Variants in ZNF197 observed in about 807,000 individuals in gnomAD.
ZNF197 encodes zinc finger protein 197.
Under a neutral mutation model 27.4 loss-of-function variants are expected in ZNF197, and 14 were observed. That is an observed-to-expected ratio of 0.51 (90% CI 0.34 to 0.80). The LOEUF (loss-of-function observed/expected upper bound fraction) is 0.80. Among genes scored for constraint, ZNF197 ranks in the 30% least tolerant of loss-of-function variants. The probability of loss-of-function intolerance (pLI) is 0.02; values close to 1 mark genes in which losing one functional copy is unlikely to be tolerated. For missense variants in ZNF197, 1,090 were observed against 1,222.6 expected (o/e 0.89, Z 1.62); for synonymous variants, 415 against 420.0 (o/e 0.99, Z 0.15).
intron 5 of ZNF197, among the ~76,000 whole-genome samples, chr3:44,636,107 A>G (rs1408507420): frequency 6.6e-6 from 1 of 152,158 alleles, no homozygotes; most frequent in Admixed American, 6.5e-5. Flanking sequence ...GATCAAGACC[A>G]TCCTGGCTAA....
At chr3:44,637,009 G>A (rs984086333) in intron 5 of ZNF197, among the ~76,000 whole-genome samples, 1 of 152,156 alleles carries the variant, frequency 6.6e-6, no homozygotes, top group African/African-American at 2.4e-5. Context: ...CGTCTTCGGA[G>A]AAAACTGTCT....
chr3:44,636,146 T>G (rs985981432), intron 5 of ZNF197, among the ~76,000 whole-genome samples: 12 of 151,746 alleles, frequency 7.9e-5, no homozygotes, highest in Admixed American at 7.9e-4. Context: ...CTACTAAAAA[T>G]ACAAAAAAAT....
In ZNF197 at chr3:44,647,688, A is replaced by G. The variant is rs1703038297; in HGVS notation, c.*3468A>G. The G allele has an allele frequency of 6.6e-6, 1 of 152,210 alleles. No individual in the cohort carries two copies. The highest frequency in any genetic ancestry group is 1.9e-4 in the East Asian group (1 of 5,200). The allele number at this position is 152,210 out of a possible 1,614,324, so 9.4% of individuals were successfully genotyped here. On this transcript the variant is annotated 3_prime_UTR_variant, in exon 6 of 6. Transcript: ENST00000344387. ...TCAAGGGAATTAATGCTGAGTGAAA[A>G]TAATCACAAAAGGCCATATTCTGTA...
At position 44,642,491 on chromosome 3, in the gene ZNF197, A is replaced by T. The variant is rs148523845; in HGVS notation, c.1361A>T (p.Tyr454Phe). 2.0e-4 allele frequency: 326 copies of T among 1,614,096 alleles called. No individual in the cohort carries two copies. In the African/African-American group the frequency reaches 3.8e-3, roughly 19 times the overall value. ...AGGATCCACACTGGGGAGAAACCTT[A>T]TAAGTGTAAGGAGTGTGGAAAGGGC... Reference protein sequence around the residue: ...HQRIHTGEKPYKCKECGKGFY... With the variant: ...HQRIHTGEKPFKCKECGKGFY... Residue 454 changes from tyrosine (Y) to phenylalanine (F), a missense_variant, in exon 6 of 6, where the codon TAT becomes TTT. Transcript: ENST00000344387.
In ZNF197 at chr3:44,643,670, C is replaced by G. The variant is rs201970271; in HGVS notation, c.2540C>G (p.Ala847Gly). Residue 847 changes from alanine (A) to glycine (G), a missense_variant, in exon 6 of 6, where the codon GCG becomes GGG. Transcript: ENST00000344387. ...ATCCATACTGGTGAGAAGCCCTATG[C>G]GTGTAGTGAGTGTGGAAAAGGTTTT... ...QRIHTGEKPY[A>G]CSECGKGFTY... The G allele has an allele frequency of 3.8e-5, 62 of 1,613,866 alleles. No homozygotes were observed. In the South Asian group the frequency reaches 6.0e-4, roughly 16 times the overall value.
At position 44,646,558 on chromosome 3, in the gene ZNF197, G is replaced by T; in HGVS notation, c.*2338G>T. 1.8e-6 allele frequency: 2 copies of T among 1,136,176 alleles called. No homozygotes were observed. The highest frequency in any genetic ancestry group is 2.7e-6 in the Non-Finnish European group (2 of 744,108). The allele number at this position is 1,136,176 out of a possible 1,614,324, so 70.4% of individuals were successfully genotyped here. A position where few individuals can be genotyped will look rare whatever the true frequency, so the allele number is the denominator to read the frequency against. On this transcript the variant is annotated 3_prime_UTR_variant, in exon 6 of 6. Transcript: ENST00000344387. ...CACGAGAAACAGACACATCCAGAAC[G>T]TGGAATATTGCATAAGAAAGCTGCC... is the stretch of plus-strand genomic sequence containing the variant.
Position 44,646,470 on chromosome 3 carries a change from C to G in ZNF197, c.*2250C>G. The stretch of plus-strand genomic sequence containing the variant: ...AATGTTCAACCTGAATTTAATCAAG[C>G]TTCTTGGACCTCATTGCCAGGTTAC... On this transcript the variant is annotated 3_prime_UTR_variant, in exon 6 of 6. Transcript: ENST00000344387. 1.9e-6 allele frequency: 3 copies of G among 1,610,966 alleles called. No homozygotes were observed. In the South Asian group the frequency reaches 3.3e-5, roughly 18 times the overall value.
rs1290040477 is a variant in ZNF197, at chr3:44,645,848, C to G, written c.*1628C>G. On this transcript the variant is annotated 3_prime_UTR_variant, in exon 6 of 6. Transcript: ENST00000344387. Reference sequence around the variant, plus strand: ...GTGGGCAGTCAGTGCCCATTACCCCCTGTGAACCATTCTGTGCCCTTGAGT... The same window carrying G: ...GTGGGCAGTCAGTGCCCATTACCCCGTGTGAACCATTCTGTGCCCTTGAGT... 132 of 985,338 alleles carry G rather than the reference C, an allele frequency of 1.3e-4. No homozygotes were observed. Among genetic ancestry groups the G allele is most frequent in the Non-Finnish European group, 1.5e-4 (126 of 829,940 alleles). The allele number at this position is 985,338 out of a possible 1,614,324, so 61.0% of individuals were successfully genotyped here.
Position 44,646,383 on chromosome 3 carries a change from A to C in ZNF197, c.*2163A>C. ...CCTCTTCACCGAGTAACAAAATGTCACATTGCTTAGATTGAGACAGCCCAC... is the reference window on the plus strand; with the variant it reads ...CCTCTTCACCGAGTAACAAAATGTCCCATTGCTTAGATTGAGACAGCCCAC... On this transcript the variant is annotated 3_prime_UTR_variant, in exon 6 of 6. Coordinates refer to ENST00000344387, the MANE Select transcript of ZNF197 (RefSeq NM_006991.5). 1 of 1,576,216 alleles carries C rather than the reference A, an allele frequency of 6.3e-7. No individual in the cohort carries two copies. Among genetic ancestry groups the C allele is most frequent in the Non-Finnish European group, 8.6e-7 (1 of 1,161,566 alleles).
At position 44,643,246 on chromosome 3, in the gene ZNF197, T is replaced by C. The variant is rs139320992; in HGVS notation, c.2116T>C (p.Tyr706His). 3.1e-6 allele frequency: 5 copies of C among 1,613,958 alleles called. No homozygotes were observed. The African/African-American group carries it at 4.0e-5, about 13-fold the overall frequency. ...HERLHNGEKP[Y>H]ECRECGKTFI... is the part of the protein sequence containing the mutation. ...GAGACTCCACAATGGGGAGAAGCCA[T>C]ATGAATGTCGAGAGTGTGGGAAAAC... is the stretch of plus-strand genomic sequence containing the variant. The change falls in exon 6 of 6, where the codon TAT becomes CAT. Residue 706 changes from tyrosine (Y) to histidine (H), a missense_variant. Tyr to His is a moderately conservative substitution (Grantham distance 83, BLOSUM62 2). Transcript: ENST00000344387.
chr3:44,628,989 G>C (rs1456196616), intron 1 of ZNF197, 85 bp from the exon 2 acceptor site: 1 of 975,930 alleles, frequency 1.0e-6, no homozygotes, highest in Non-Finnish European at 1.5e-6. Flanking sequence ...TTATTACTGG[G>C]AGCTGACTGG....
rs749797263 is a variant in ZNF197 at position 44,646,542 on chromosome 3, C to CA, written c.*2323dup. The CA allele has an allele frequency of 6.0e-5, 75 of 1,254,330 alleles. No individual in the cohort carries two copies. Among genetic ancestry groups the CA allele is most frequent in the Non-Finnish European group, 8.1e-5 (69 of 851,940 alleles). 77.7% of individuals were successfully genotyped at this position (1,254,330 alleles called of 1,614,324 possible). On this transcript the variant is annotated 3_prime_UTR_variant, in exon 6 of 6. Coordinates refer to ENST00000344387, the MANE Select transcript of ZNF197 (RefSeq NM_006991.5). Reference sequence around the variant, plus strand: ...AACAAATAAAAGACACCACGAGAAACAGACACATCCAGAACGTGGAATATT... The same window carrying CA: ...AACAAATAAAAGACACCACGAGAAACAAGACACATCCAGAACGTGGAATATT...
At position 44,642,441 on chromosome 3, in the gene ZNF197, A is replaced by G. The variant is rs1391472301; in HGVS notation, c.1311A>G (p.Gln437=). 2 of 1,613,306 alleles carry G rather than the reference A, an allele frequency of 1.2e-6. No homozygotes were observed. The highest frequency in any genetic ancestry group is 1.7e-6 in the Non-Finnish European group (2 of 1,179,740). ...KCNECGKAFS[Q]SAYLLNHQRI... The stretch of plus-strand genomic sequence containing the variant: ...ATGAATGTGGGAAAGCATTTTCTCA[A>G]AGTGCTTACCTTCTAAACCATCAGA... The change falls in exon 6 of 6, where the codon CAA becomes CAG. Residue 437 remains glutamine, a synonymous_variant. Transcript: ENST00000344387.
At chr3:44,629,785 GT>G (rs1701879474) in intron 2 of ZNF197, among the ~76,000 whole-genome samples, 1 of 152,224 alleles carries the variant, frequency 6.6e-6, no homozygotes, top group South Asian at 2.1e-4. Context: ...AACATTGACT[GT>G]TTTGTCCCTT....
In ZNF197 at chr3:44,648,074, G is replaced by A. The variant is rs1449397186; in HGVS notation, c.*3854G>A. On this transcript the variant is annotated 3_prime_UTR_variant, in exon 6 of 6. Transcript: ENST00000344387. ...AAAAGTAAAAACCAACAATGGCAAC[G>A]AAAACCCAAAACTAAAGAGCTGTAA... 1.3e-5 allele frequency: 2 copies of A among 152,060 alleles called. No homozygotes were observed. Among genetic ancestry groups the A allele is most frequent in the Non-Finnish European group, 2.9e-5 (2 of 67,990 alleles). 9.4% of individuals were successfully genotyped at this position (152,060 alleles called of 1,614,324 possible).
chr3:44,643,531 C>A lies in ZNF197; in HGVS notation c.2401C>A (p.Leu801Met). ...ECDECGKCFI[L>M]KKSLIGHQRI... ...TGATGAGTGTGGCAAATGCTTCATT[C>A]TGAAGAAAAGCCTCATTGGACATCA... The change falls in exon 6 of 6, where the codon CTG (leucine) becomes ATG (methionine). Residue 801 changes from leucine (L) to methionine (M), a missense_variant. Coordinates refer to ENST00000344387, the MANE Select transcript of ZNF197 (RefSeq NM_006991.5). 1 of 1,614,102 alleles carries A rather than the reference C, an allele frequency of 6.2e-7. No homozygotes were observed. Among genetic ancestry groups the A allele is most frequent in the Non-Finnish European group, 8.5e-7 (1 of 1,180,012 alleles).
At chr3:44,631,304 T>G in intron 3 of ZNF197, 83 bp downstream of exon 3, 1 of 1,542,222 alleles carries the variant, frequency 6.5e-7, no homozygotes, top group Non-Finnish European at 8.9e-7. Context: ...AGTTGCTTCC[T>G]CTGCTACCCT....
chr3:44,631,376 T>TAG, intron 3 of ZNF197, among the ~76,000 whole-genome samples, 155 bp downstream of exon 3: 1 of 152,208 alleles, frequency 6.6e-6, no homozygotes, highest in South Asian at 2.1e-4. Context: ...TCCTTCTTTC[T>TAG]TGGGCCCCTC....
In ZNF197 at chr3:44,647,170, C is replaced by CA. The variant is rs1360728746; in HGVS notation, c.*2951dup. 2.0e-5 allele frequency: 3 copies of CA among 152,028 alleles called. No individual in the cohort carries two copies. The highest frequency in any genetic ancestry group is 7.2e-5 in the African/African-American group (3 of 41,406). 9.4% of individuals were successfully genotyped at this position (152,028 alleles called of 1,614,324 possible). Reference sequence around the variant, plus strand: ...ATACAATTAGAAAATAAGCAAAAGACAGACATTTCACTGAAGTATAGATAG... The same window carrying CA: ...ATACAATTAGAAAATAAGCAAAAGACAAGACATTTCACTGAAGTATAGATAG... On this transcript the variant is annotated 3_prime_UTR_variant, in exon 6 of 6. Coordinates refer to ENST00000344387, the MANE Select transcript of ZNF197 (RefSeq NM_006991.5).
Sources: allele counts gnomAD v4.1 joint callset (sites outside exome capture counted in the v4.1 genomes callset), GRCh38; gene constraint gnomAD v4.1.1; transcripts MANE v1.5; gene names NCBI Gene and HGNC (gene_info 2026-07-23, HGNC 2026-07-21).